The following PTPRZ1 variants were observed in gnomAD, a reference collection of about 807,000 sequenced individuals.
PTPRZ1 encodes protein tyrosine phosphatase receptor type Z1, also known as receptor-type tyrosine-protein phosphatase zeta.
In PTPRZ1, 82 loss-of-function variants were observed where a neutral mutation model predicts 214.1. The observed-to-expected ratio is 0.38, with a 90% CI of 0.32 to 0.46. The LOEUF (loss-of-function observed/expected upper bound fraction) is 0.46, where lower values mean the gene tolerates loss of function less well. Ranked by LOEUF, PTPRZ1 falls within the 20% of genes least tolerant of loss-of-function variation. The probability of loss-of-function intolerance (pLI) is 1.00; values close to 1 mark genes in which losing one functional copy is unlikely to be tolerated. For missense variants in PTPRZ1, 2,603 were observed against 2,748.7 expected, an observed-to-expected ratio of 0.95 and a Z score of 1.19; for synonymous variants, 945 against 987.9, an observed-to-expected ratio of 0.96 and a Z score of 0.81.
At chr7:121,931,684 G>T (rs1374740164) in intron 2 of PTPRZ1, among the ~76,000 whole-genome samples, 1 of 152,106 alleles carries the variant, frequency 6.6e-6, no homozygotes, top group Non-Finnish European at 1.5e-5. Context: ...ATACCATTGT[G>T]CAATATCTTA....
At chr7:121,963,168 T>C (rs1369410191) in intron 2 of PTPRZ1, among the ~76,000 whole-genome samples, 1 of 152,182 alleles carries the variant, frequency 6.6e-6, no homozygotes. Context: ...TGGTTTAAAA[T>C]AGTTTAAACA....
At chr7:121,964,500 G>T (rs188061083) in intron 2 of PTPRZ1, among the ~76,000 whole-genome samples, 1 of 152,094 alleles carries the variant, frequency 6.6e-6, no homozygotes, top group Admixed American at 6.6e-5. Context: ...TTGTCTCCAC[G>T]TGGTCCCTCC....
chr7:122,004,681 T>C, intron 11 of PTPRZ1, 21 bp downstream of exon 11: 1 of 1,266,558 alleles, frequency 7.9e-7, no homozygotes. Flanking sequence ...CATTTTTATA[T>C]TCAAATGTTT....
chr7:121,910,295 C>T (rs545902584), intron 1 of PTPRZ1, among the ~76,000 whole-genome samples: 2 of 152,342 alleles, frequency 1.3e-5, no homozygotes, highest in South Asian at 4.1e-4. Flanking sequence ...TGCACCTGCT[C>T]ATGCATCTGC....
intron 1 of PTPRZ1, among the ~76,000 whole-genome samples, chr7:121,905,359 G>T (rs1795084541): frequency 6.6e-6 from 1 of 152,066 alleles, no homozygotes; most frequent in Non-Finnish European, 1.5e-5. Context: ...CTTATGAGAA[G>T]AGTCGTGGAC....
chr7:122,038,243 A>G lies in PTPRZ1; in HGVS notation c.5368-512A>G, dbSNP rs76087828. Among the ~76,000 whole-genome samples the G allele has an allele frequency of 3.2e-3, 493 of 152,282 alleles. 3 individuals carry two copies. The highest frequency in any genetic ancestry group is 0.011 in the African/African-American group (450 of 41,556). ...AACAGCCAATCCATATTATGCCCAT[A>G]AAACATCTTGTACAAAATGGGACAC... On this transcript the variant is annotated intron_variant, in intron 18 of 29. Coordinates refer to ENST00000393386, the MANE Select transcript of PTPRZ1 (RefSeq NM_002851.3).
chr7:121,877,361 T>C (rs1794093902), intron 1 of PTPRZ1, among the ~76,000 whole-genome samples: 1 of 152,232 alleles, frequency 6.6e-6, no homozygotes, highest in African/African-American at 2.4e-5. Flanking sequence ...CTTGCTTTCA[T>C]GTGATGTGAT....
At chr7:121,981,276 G>A (rs1446642144) in intron 6 of PTPRZ1, among the ~76,000 whole-genome samples, 1 of 152,150 alleles carries the variant, frequency 6.6e-6, no homozygotes, top group Non-Finnish European at 1.5e-5. Flanking sequence ...AGATGCCCAG[G>A]CCTGACCACT....
intron 8 of PTPRZ1, among the ~76,000 whole-genome samples, chr7:121,995,257 A>G (rs1203814125): frequency 6.6e-6 from 1 of 152,212 alleles, no homozygotes; most frequent in Non-Finnish European, 1.5e-5. Flanking sequence ...TTGTTGTATC[A>G]GTGATGACTG....
intron 1 of PTPRZ1, among the ~76,000 whole-genome samples, chr7:121,907,009 A>G (rs1190758937): frequency 6.6e-6 from 1 of 152,132 alleles, no homozygotes; most frequent in Non-Finnish European, 1.5e-5. Context: ...TAATTCTACA[A>G]TGTGATATTG....
chr7:121,924,669 A>C (rs1043697169), intron 1 of PTPRZ1, among the ~76,000 whole-genome samples: 2 of 152,192 alleles, frequency 1.3e-5, no homozygotes, highest in Non-Finnish European at 2.9e-5. Context: ...TTAAAACAAG[A>C]GCTTACTTTT....
chr7:122,059,536 A>G (rs1031792791), intron 28 of PTPRZ1: 3 of 479,508 alleles, frequency 6.3e-6, no homozygotes, highest in African/African-American at 5.9e-5. Context: ...AGCAAATACT[A>G]AACTTCTGTA....
chr7:122,025,251 G>A (rs999234897), intron 13 of PTPRZ1, among the ~76,000 whole-genome samples: 3 of 151,128 alleles, frequency 2.0e-5, no homozygotes, highest in African/African-American at 4.9e-5. Context: ...AATAAATAAT[G>A]TAGAATAATG....
rs371692415 is a variant in PTPRZ1 at position 121,973,940 on chromosome 7, GA to G, written c.456+1271del. Among the ~76,000 whole-genome samples, 781 of 86,202 alleles carry G rather than the reference GA, an allele frequency of 9.1e-3. 1 individual carries two copies. The highest frequency in any genetic ancestry group is 0.025 in the Middle Eastern group (2 of 80). 56.6% of individuals were successfully genotyped at this position (86,202 alleles called of 152,430 possible). A position where few individuals can be genotyped will look rare whatever the true frequency, so the allele number is the denominator to read the frequency against. On this transcript the variant is annotated intron_variant, in intron 4 of 29. Coordinates refer to ENST00000393386, the MANE Select transcript of PTPRZ1 (RefSeq NM_002851.3). ...TGGAGTGAGACGCTGTCTCAAAAAA[GA>G]AAAAAAAAAAAAAAAAAAAAAAGCA...
At chr7:121,923,285 CT>C (rs1395901066) in intron 1 of PTPRZ1, among the ~76,000 whole-genome samples, 1 of 152,174 alleles carries the variant, frequency 6.6e-6, no homozygotes, top group Non-Finnish European at 1.5e-5. Context: ...ATCAACTGAT[CT>C]CCTTTTTATG....
At chr7:121,896,221 T>A (rs531403840) in intron 1 of PTPRZ1, among the ~76,000 whole-genome samples, 3 of 152,332 alleles carry the variant, frequency 2.0e-5, no homozygotes, top group Admixed American at 2.0e-4. Flanking sequence ...CTTCTTAAAT[T>A]TTTAAGTGTA....
intron 2 of PTPRZ1, among the ~76,000 whole-genome samples, chr7:121,956,920 A>C (rs568719285): frequency 3.9e-5 from 6 of 152,330 alleles, no homozygotes; most frequent in Admixed American, 1.3e-4. Flanking sequence ...CTTCCCCCCC[A>C]AAAAACAATA....
chr7:121,940,764 G>T (rs111323621), intron 2 of PTPRZ1, among the ~76,000 whole-genome samples: 361 of 151,368 alleles, frequency 2.4e-3, no homozygotes, highest in African/African-American at 8.1e-3. Context: ...TCTTTCAATA[G>T]TACAGATATA....
rs1584760408 is a variant in PTPRZ1 at position 122,031,541 on chromosome 7, G to T, written c.5148G>T (p.Gly1716=). 12 of 1,606,770 alleles carry T rather than the reference G, an allele frequency of 7.5e-6. No homozygotes were observed. The highest frequency in any genetic ancestry group is 1.0e-5 in the Non-Finnish European group (12 of 1,175,196). Reference sequence around the variant, plus strand: ...TTGCAGATTTACATGCAAGTAGTGGGTTTACTGAAGAATTTGAGGTATGAT... The same window carrying T: ...TTGCAGATTTACATGCAAGTAGTGGTTTTACTGAAGAATTTGAGGTATGAT... ...KHVADLHASS[G]FTEEFETLKE... is the part of the protein sequence containing the mutation. Residue 1716 remains glycine (G), a synonymous_variant, in exon 15 of 30, where the codon GGG becomes GGT. Transcript: ENST00000393386.
Sources: allele counts gnomAD v4.1 joint callset (sites outside exome capture counted in the v4.1 genomes callset), GRCh38; gene constraint gnomAD v4.1.1; transcripts MANE v1.5; gene names NCBI Gene and HGNC (gene_info 2026-07-23, HGNC 2026-07-21).